LARGE1: variants seen among roughly 807,000 people sequenced by gnomAD.
LARGE1 encodes LARGE xylosyl- and glucuronyltransferase 1, also known as xylosyl- and glucuronyltransferase LARGE1.
A neutral mutation model predicts 87.6 loss-of-function variants in LARGE1; 43 were observed. That is an observed-to-expected ratio of 0.49 (90% CI 0.38 to 0.63). The LOEUF (loss-of-function observed/expected upper bound fraction) is 0.63. LARGE1 is among the 30% of genes least tolerant of loss of function. LARGE1 has a pLI of 0.00. For missense variants in LARGE1, 802 were observed against 1,000.2 expected (o/e 0.80, Z 2.67); for synonymous variants, 434 against 394.6 (o/e 1.10, Z -1.18).
chr22:33,491,381 A>G (rs990585030), intron 6 of LARGE1, among the ~76,000 whole-genome samples: 2 of 152,226 alleles, frequency 1.3e-5, no homozygotes, highest in African/African-American at 4.8e-5. Context: ...GGTTGGGGTC[A>G]TTATACCCAC....
At chr22:33,130,024 C>G in the LARGE1 span, among the ~76,000 whole-genome samples, 7 of 152,100 alleles carry the variant, frequency 4.6e-5, no homozygotes, top group African/African-American at 1.4e-4. Context: ...CATTCTAAAA[C>G]TATTTTAGGG....
Position 33,469,359 on chromosome 22 carries a change from G to A in LARGE1, c.788-37094C>T, listed in dbSNP as rs192993624. 3.9e-3 allele frequency among the ~76,000 whole-genome samples: 587 copies of A among 152,244 alleles called. 7 individuals are homozygous for A. The highest frequency in any genetic ancestry group is 0.014 in the African/African-American group (565 of 41,530). On this transcript the variant is annotated intron_variant, in intron 6 of 14. Coordinates refer to ENST00000397394, the MANE Select transcript of LARGE1 (RefSeq NM_133642.5). ...TAGAATACTATGCAGTCATAAAAAA[G>A]AACAAGGTCATGTCCTTTGCAGCAA...
intron 6 of LARGE1, among the ~76,000 whole-genome samples, chr22:33,536,370 T>C (rs5749624): frequency 0.56 from 84,548 of 152,154 alleles, 23,872 homozygotes; most frequent in Admixed American, 0.65. Context: ...GCCTTCTGTA[T>C]GTTTCATGAT....
At chr22:33,727,877 G>GGTGAGATTT (rs2083318974) in intron 2 of LARGE1, among the ~76,000 whole-genome samples, 3 of 152,258 alleles carry the variant, frequency 2.0e-5, no homozygotes, top group Admixed American at 2.0e-4. Flanking sequence ...TCTTAGGGCA[G>GGTGAGATTT]GTGAGATTTG....
At chr22:33,544,037 T>C (rs1339697159) in intron 6 of LARGE1, among the ~76,000 whole-genome samples, 3 of 152,216 alleles carry the variant, frequency 2.0e-5, no homozygotes, top group Non-Finnish European at 2.9e-5. Flanking sequence ...CCAATAAAAA[T>C]CCTGGGTGCT....
intron 9 of LARGE1, among the ~76,000 whole-genome samples, chr22:33,347,901 A>G (rs192068574): frequency 1.7e-4 from 26 of 152,326 alleles, no homozygotes; most frequent in African/African-American, 5.8e-4. Context: ...ATTCAGTTAT[A>G]AAAGACATCT....
chr22:33,559,900 C>T (rs1389634639), intron 6 of LARGE1, among the ~76,000 whole-genome samples: 1 of 152,170 alleles, frequency 6.6e-6, no homozygotes, highest in African/African-American at 2.4e-5. Flanking sequence ...CCTTTGTTCT[C>T]TGAATGCCTA....
downstream of LARGE1, among the ~76,000 whole-genome samples, chr22:33,161,756 C>T (rs1187940499): frequency 6.6e-6 from 1 of 152,168 alleles, no homozygotes; most frequent in African/African-American, 2.4e-5. Flanking sequence ...ATAATACAGC[C>T]CCCCTCCCAG....
the LARGE1 span, chr22:33,108,702 T>G: frequency 6.6e-6 from 1 of 152,148 alleles, no homozygotes; most frequent in East Asian, 1.9e-4. Context: ...AAACATCATT[T>G]ACCTCCACAT....
At chr22:33,527,592 G>T (rs2071976433) in intron 6 of LARGE1, among the ~76,000 whole-genome samples, 1 of 152,074 alleles carries the variant, frequency 6.6e-6, no homozygotes, top group Non-Finnish European at 1.5e-5. Flanking sequence ...ACATGCTCCT[G>T]CATCGGTGTG....
At chr22:33,572,191 T>A in intron 5 of LARGE1, 1 of 1,289,762 alleles carries the variant, frequency 7.8e-7, no homozygotes, top group Non-Finnish European at 1.0e-6. Flanking sequence ...TGACATATTT[T>A]AAAAAATTAA....
intron 6 of LARGE1, among the ~76,000 whole-genome samples, chr22:33,525,036 A>C (rs187498543): frequency 2.0e-3 from 299 of 152,252 alleles, no homozygotes; most frequent in Non-Finnish European, 3.5e-3. Context: ...GGAAGGTGTA[A>C]ATGTTTAATC....
At chr22:33,426,065 C>T (rs770221295) in intron 7 of LARGE1, among the ~76,000 whole-genome samples, 3 of 152,134 alleles carry the variant, frequency 2.0e-5, no homozygotes, top group Non-Finnish European at 4.4e-5. Context: ...AATTTCTAAA[C>T]ACATATTCAC....
the LARGE1 span, among the ~76,000 whole-genome samples, chr22:33,080,998 C>G: frequency 1.3e-5 from 2 of 152,102 alleles, no homozygotes. Flanking sequence ...TCCATCCACT[C>G]TTGTAGTAAT....
Position 33,388,497 on chromosome 22 carries a change from T to C in LARGE1, c.893-4193A>G, listed in dbSNP as rs538211974. On this transcript the variant is annotated intron_variant, in intron 7 of 14. Coordinates refer to ENST00000397394, the MANE Select transcript of LARGE1 (RefSeq NM_133642.5). ...ACAGTTATTTACTGAGTAGCTACTA[T>C]GTGTGAATTCACAGAAATAGACTTG... Among the ~76,000 whole-genome samples the C allele has an allele frequency of 8.5e-5, 13 of 152,376 alleles. No individual in the cohort carries two copies. The South Asian group carries it at 2.7e-3, about 32-fold the overall frequency.
chr22:33,793,801 A>G lies in LARGE1; in HGVS notation c.-82-32243T>C, dbSNP rs1375206750. On this transcript the variant is annotated intron_variant, in intron 1 of 14. Transcript: ENST00000397394. ...AGCACCCCCCAACTTTTTTTTTTTC[A>G]TAAGAATCTGTCCTCTTATTGCCTC... Among the ~76,000 whole-genome samples, 3 of 147,858 alleles carry G rather than the reference A, an allele frequency of 2.0e-5. No individual in the cohort carries two copies. In the South Asian group the frequency reaches 6.4e-4, roughly 32 times the overall value.
chr22:33,612,547 A>G (rs575024711), intron 4 of LARGE1, among the ~76,000 whole-genome samples: 1 of 152,340 alleles, frequency 6.6e-6, no homozygotes, highest in South Asian at 2.1e-4. Flanking sequence ...CAACTCTGAT[A>G]GAGTAAGAAA....
chr22:33,308,999 A>C (rs569015669), intron 11 of LARGE1, among the ~76,000 whole-genome samples: 163 of 152,248 alleles, frequency 1.1e-3, no homozygotes, highest in African/African-American at 3.7e-3. Context: ...TTCACCTAAT[A>C]AATATTTGTT....
At chr22:33,447,089 T>A (rs765317614) in intron 6 of LARGE1, among the ~76,000 whole-genome samples, 1 of 152,220 alleles carries the variant, frequency 6.6e-6, no homozygotes, top group Non-Finnish European at 1.5e-5. Context: ...AGACAGGGTT[T>A]CACCATGGTG....
Sources: gnomAD v4.1 joint callset for allele counts (sites outside exome capture counted in the v4.1 genomes callset) on GRCh38, gnomAD v4.1.1 for gene constraint, MANE v1.5 for transcripts, NCBI Gene and HGNC (gene_info 2026-07-23, HGNC 2026-07-21) for gene names.